Variants in ZNF362 observed in about 807,000 individuals in gnomAD.
ZNF362 encodes the protein rotund homolog.
Under a neutral mutation model 42.9 loss-of-function variants are expected in ZNF362, and 11 were observed. That is an observed-to-expected ratio of 0.26 (90% CI 0.16 to 0.42). The LOEUF is 0.42. Ranked by LOEUF, ZNF362 falls within the 20% of genes least tolerant of loss-of-function variation. ZNF362 has a pLI of 1.00. For missense variants in ZNF362, 362 were observed against 576.2 expected (o/e 0.63, Z 3.81); for synonymous variants, 255 against 257.3 (o/e 0.99, Z 0.09).
chr1:33,132,041 A>C, the ZNF362 span, among the ~76,000 whole-genome samples: 1 of 152,208 alleles, frequency 6.6e-6, no homozygotes, highest in Admixed American at 6.5e-5. Flanking sequence ...CACAGGCATT[A>C]ATGTGACCGG....
the ZNF362 span, among the ~76,000 whole-genome samples, chr1:33,216,472 C>T: frequency 7.1e-6 from 1 of 141,068 alleles, no homozygotes; most frequent in Non-Finnish European, 1.5e-5. Flanking sequence ...TGGTGGCAGG[C>T]GCCTGTAATC....
chr1:33,180,060 G>GT, the ZNF362 span, among the ~76,000 whole-genome samples: 1 of 151,418 alleles, frequency 6.6e-6, no homozygotes, highest in South Asian at 2.1e-4. Context: ...TTTGAGCAAG[G>GT]CTCAATAAAA....
At chr1:33,268,201 A>G (rs1254657230) in intron 1 of ZNF362, among the ~76,000 whole-genome samples, 2 of 152,032 alleles carry the variant, frequency 1.3e-5, no homozygotes, top group Non-Finnish European at 2.9e-5. Flanking sequence ...ACTTGGGTCA[A>G]TTAGGAAGAC....
chr1:33,134,751 C>T, the ZNF362 span, among the ~76,000 whole-genome samples: 1 of 152,230 alleles, frequency 6.6e-6, no homozygotes, highest in Admixed American at 6.5e-5. Context: ...TGCCAGCTTG[C>T]TGCGCCTGCC....
chr1:33,266,843 G>A lies in ZNF362; in HGVS notation c.-88-3644G>A, dbSNP rs1298745384. Among the ~76,000 whole-genome samples the A allele has an allele frequency of 6.6e-6, 1 of 152,198 alleles. No individual in the cohort carries two copies. The highest frequency in any genetic ancestry group is 2.4e-5 in the African/African-American group (1 of 41,446). ...AGGGATGCTGCCAAGGAGCACACCT[G>A]GTGAGATGAGTGTGGCCAGGGGACC... On this transcript the variant is annotated intron_variant, in intron 1 of 8. Coordinates refer to ENST00000539719, the MANE Select transcript of ZNF362 (RefSeq NM_152493.3). The surrounding 1 kb of genome is among the most constrained non-coding windows in gnomAD (Gnocchi z 4.3).
the ZNF362 span, among the ~76,000 whole-genome samples, chr1:33,201,979 C>G: frequency 6.6e-6 from 1 of 152,200 alleles, no homozygotes; most frequent in South Asian, 2.1e-4. Flanking sequence ...TAAGGGAGTA[C>G]TATGAGCACC....
chr1:33,263,945 C>T (rs570924351), intron 1 of ZNF362, among the ~76,000 whole-genome samples: 25 of 152,204 alleles, frequency 1.6e-4, no homozygotes, highest in Non-Finnish European at 7.3e-5. Flanking sequence ...GTCCACCCCA[C>T]ACCCTCCCCA....
chr1:33,227,673 G>T, the ZNF362 span, among the ~76,000 whole-genome samples: 1 of 152,120 alleles, frequency 6.6e-6, no homozygotes, highest in Non-Finnish European at 1.5e-5. Flanking sequence ...TAATAAAAAT[G>T]TTGCTTTGTT....
chr1:33,223,892 TCAA>T, the ZNF362 span, among the ~76,000 whole-genome samples: 1 of 92,822 alleles, frequency 1.1e-5, no homozygotes. Flanking sequence ...AAACTCCATC[TCAA>T]AAAAAAAAAA....
the ZNF362 span, among the ~76,000 whole-genome samples, chr1:33,211,202 G>C: frequency 6.6e-6 from 1 of 152,034 alleles, no homozygotes; most frequent in African/African-American, 2.4e-5. Context: ...CAAAGTGTTG[G>C]GATTACAGAT....
intron 6 of ZNF362, among the ~76,000 whole-genome samples, chr1:33,292,028 C>G (rs1225223575): frequency 6.6e-6 from 1 of 152,202 alleles, no homozygotes; most frequent in East Asian, 1.9e-4. Flanking sequence ...GACAATTTGA[C>G]TTCCTCTTTT....
chr1:33,295,073 C>A, intron 7 of ZNF362, 58 bp downstream of exon 7: 1 of 1,612,858 alleles, frequency 6.2e-7, no homozygotes, highest in Non-Finnish European at 8.5e-7. Context: ...CACCCACCCC[C>A]ACAAGGAAGC....
chr1:33,172,617 C>T, the ZNF362 span, among the ~76,000 whole-genome samples: 7 of 152,090 alleles, frequency 4.6e-5, no homozygotes, highest in Admixed American at 2.0e-4. Flanking sequence ...GTGGAGTCTG[C>T]GCAGCCCTGA....
upstream of ZNF362, among the ~76,000 whole-genome samples, chr1:33,254,189 C>T (rs1272140558): frequency 6.6e-6 from 1 of 151,878 alleles, no homozygotes; most frequent in Non-Finnish European, 1.5e-5. Context: ...TGCAGTGGCC[C>T]AATCTCGGCT....
the ZNF362 span, among the ~76,000 whole-genome samples, chr1:33,215,634 A>G: frequency 6.6e-6 from 1 of 152,184 alleles, no homozygotes; most frequent in Admixed American, 6.5e-5. Context: ...TACTCCATGA[A>G]TATGGAGTAT....
chr1:33,189,657 A>ATATATATATATATATGTATATATATACG, the ZNF362 span, among the ~76,000 whole-genome samples: 1 of 102,008 alleles, frequency 9.8e-6, no homozygotes, highest in African/African-American at 4.1e-5. Flanking sequence ...ATATATATAT[A>ATATATATATATATATGTATATATATACG]TATATATATA....
At chr1:33,136,993 T>C in the ZNF362 span, among the ~76,000 whole-genome samples, 1 of 146,226 alleles carries the variant, frequency 6.8e-6, no homozygotes, top group Admixed American at 6.8e-5. Context: ...CAAGACTCAG[T>C]CTCCAAAAAA....
chr1:33,204,701 T>C, the ZNF362 span, among the ~76,000 whole-genome samples: 1 of 152,218 alleles, frequency 6.6e-6, no homozygotes, highest in Non-Finnish European at 1.5e-5. Context: ...AAAGACTGAA[T>C]GCTTTCCTCT....
At chr1:33,129,685 G>T in the ZNF362 span, among the ~76,000 whole-genome samples, 1 of 152,036 alleles carries the variant, frequency 6.6e-6, no homozygotes, top group Non-Finnish European at 1.5e-5. This position sits in a 1 kb window ranked among gnomAD's most constrained non-coding sequence, Gnocchi z 4.1. Context: ...AACACATTTG[G>T]TCCACACTGG....
Sources: gnomAD v4.1 joint callset for allele counts (sites outside exome capture counted in the v4.1 genomes callset) on GRCh38, gnomAD v4.1.1 for gene constraint, Gnocchi (gnomAD v3.1) non-coding constraint, MANE v1.5 for transcripts, NCBI Gene and HGNC (gene_info 2026-07-23, HGNC 2026-07-21) for gene names.